NUDT13: variants seen among roughly 807,000 people sequenced by gnomAD.
NUDT13 encodes the protein NAD(P)H pyrophosphatase NUDT13, mitochondrial.
NUDT13 carries 40 observed loss-of-function variants against 41.7 expected under a neutral mutation model. The ratio of observed to expected loss-of-function variants is 0.96; its 90% confidence interval spans 0.75 to 1.25. The LOEUF is 1.25. Among genes scored for constraint, NUDT13 ranks in the 50% most tolerant of loss-of-function variants. The probability of loss-of-function intolerance (pLI) is 0.00; values close to 1 mark genes in which losing one functional copy is unlikely to be tolerated. For missense variants in NUDT13, 390 were observed against 416.1 expected (o/e 0.94, Z 0.55); for synonymous variants, 145 against 155.5 (o/e 0.93, Z 0.50).
Position 73,110,471 on chromosome 10 carries a change from C to T in NUDT13, c.-106C>T, listed in dbSNP as rs1842337065. The T allele has an allele frequency of 6.6e-6, 1 of 152,104 alleles. No individual in the cohort carries two copies. The highest frequency in any genetic ancestry group is 1.5e-5 in the Non-Finnish European group (1 of 68,036). 9.4% of individuals were successfully genotyped at this position (152,104 alleles called of 1,614,324 possible). On this transcript the variant is annotated 5_prime_UTR_variant, in exon 1 of 9. Coordinates refer to ENST00000357321, the MANE Select transcript of NUDT13 (RefSeq NM_015901.6). The stretch of plus-strand genomic sequence containing the variant: ...AAGTGTGGCAGAAGCAGCAATGGTC[C>T]CTCCAGGGAACGGAAGCCGTTGAAC...
At chr10:73,124,461 A>G (rs7095710) in intron 5 of NUDT13, 141 bp downstream of exon 5, 6 of 623,772 alleles carry the variant, frequency 9.6e-6, no homozygotes, top group Middle Eastern at 3.3e-4. Flanking sequence ...TGGCAGGACA[A>G]TGTGCTGTAG....
chr10:73,117,385 C>A (rs1213578045), intron 2 of NUDT13, among the ~76,000 whole-genome samples: 1 of 150,714 alleles, frequency 6.6e-6, no homozygotes, highest in Admixed American at 6.6e-5. Context: ...GGCAAAACCC[C>A]ATCTCTATTA....
rs868447581 is a variant in NUDT13, at chr10:73,130,829, C to CA, written c.985_986insA (p.Pro329HisfsTer2). The CA allele has an allele frequency of 6.2e-7, 1 of 1,613,932 alleles. No homozygotes were observed. The highest frequency in any genetic ancestry group is 1.3e-5 in the African/African-American group (1 of 74,976). The stretch of plus-strand genomic sequence containing the variant: ...TGGGACTTTCCCATTCTGGCTGCCC[C>CA]CTAAGTTAGCCATCTCCCACCAACT... On this transcript the variant is annotated frameshift_variant, in exon 9 of 9. Coordinates refer to ENST00000357321, the MANE Select transcript of NUDT13 (RefSeq NM_015901.6). LOFTEE classifies it high-confidence loss of function.
At position 73,130,877 on chromosome 10, in the gene NUDT13, C is replaced by T. The variant is rs1842903676; in HGVS notation, c.1033C>T (p.Gln345Ter). The change falls in exon 9 of 9, where the codon CAG becomes TAG. Residue 345 changes from glutamine to a stop codon, truncating the protein, a stop_gained. Transcript: ENST00000357321. LOFTEE classifies it high-confidence loss of function. ...HQLIKEWVEKQTCSSLPA is the reference protein window; with the variant it reads ...HQLIKEWVEK Reference sequence around the variant, plus strand: ...ACTGATTAAGGAGTGGGTGGAAAAACAGACCTGTTCTTCCCTGCCTGCTTA... The same window carrying T: ...ACTGATTAAGGAGTGGGTGGAAAAATAGACCTGTTCTTCCCTGCCTGCTTA... 1 of 1,613,704 alleles carries T rather than the reference C, an allele frequency of 6.2e-7. No homozygotes were observed. The highest frequency in any genetic ancestry group is 8.5e-7 in the Non-Finnish European group (1 of 1,179,894).
At chr10:73,115,518 C>A (rs1215358501) in intron 2 of NUDT13, among the ~76,000 whole-genome samples, 1 of 152,148 alleles carries the variant, frequency 6.6e-6, no homozygotes, top group African/African-American at 2.4e-5. Context: ...TCTAAAATAT[C>A]TCACACACTT....
At position 73,129,167 on chromosome 10, in the gene NUDT13, CTTTTTTTTTTT is replaced by C. The variant is rs900393888; in HGVS notation, c.859-1524_859-1514del. On this transcript the variant is annotated intron_variant, in intron 8 of 8. Coordinates refer to ENST00000357321, the MANE Select transcript of NUDT13 (RefSeq NM_015901.6). The stretch of plus-strand genomic sequence containing the variant: ...AGTTGAAAGAAACTTAAGACGTTGT[CTTTTTTTTTTT>C]TTTTTTTTTTTGAGATGGAGTCTCA... Among the ~76,000 whole-genome samples, 7 of 110,194 alleles carry C rather than the reference CTTTTTTTTTTT, an allele frequency of 6.4e-5. No individual in the cohort carries two copies. The East Asian group carries it at 1.7e-3, about 27-fold the overall frequency. 72.3% of individuals were successfully genotyped at this position (110,194 alleles called of 152,430 possible).
At chr10:73,126,211 A>C (rs1182006716) in intron 7 of NUDT13, 5 of 232,712 alleles carry the variant, frequency 2.1e-5, no homozygotes, top group Non-Finnish European at 2.7e-5. Flanking sequence ...ACACCCCTAG[A>C]TTCCATGAAT....
chr10:73,125,080 C>T, intron 5 of NUDT13, 38 bp from the exon 6 acceptor site: 1 of 1,573,310 alleles, frequency 6.4e-7, no homozygotes, highest in Non-Finnish European at 8.6e-7. Context: ...GCCCCGCATT[C>T]TCTCCAAATG....
At chr10:73,124,134 TTTTA>T in intron 4 of NUDT13, 76 bp from the exon 5 acceptor site, 1 of 976,198 alleles carries the variant, frequency 1.0e-6, no homozygotes, top group Non-Finnish European at 1.6e-6. Flanking sequence ...GGAAACACTA[TTTTA>T]ACAGGATAGA....
chr10:73,125,582 G>A (rs1842752626), intron 7 of NUDT13, 73 bp downstream of exon 7: 6 of 1,012,606 alleles, frequency 5.9e-6, no homozygotes, highest in Middle Eastern at 3.1e-4. Context: ...TCTCTGTCTT[G>A]TTGCTATAGA....
Position 73,130,684 on chromosome 10 carries a change from TCTTC to T in NUDT13, c.859-15_859-12del, listed in dbSNP as rs1456715443. The T allele has an allele frequency of 2.5e-6, 4 of 1,609,384 alleles. No homozygotes were observed. In the African/African-American group the frequency reaches 4.0e-5, roughly 16 times the overall value. ...TGTAGCTCCTGACCTTACATCCTTT[TCTTC>T]CTTATGTCTTTCAGATCCAGGTGAA... On this transcript the variant is annotated splice_polypyrimidine_tract_variant and intron_variant, in intron 8 of 8. Coordinates refer to ENST00000357321, the MANE Select transcript of NUDT13 (RefSeq NM_015901.6).
chr10:73,124,342 T>C, intron 5 of NUDT13, 22 bp downstream of exon 5: 1 of 1,540,512 alleles, frequency 6.5e-7, no homozygotes, highest in Non-Finnish European at 9.0e-7. Flanking sequence ...TTTCTCATTC[T>C]GTAGGAAATT....
At chr10:73,116,891 T>TG (rs1336089039) in intron 2 of NUDT13, among the ~76,000 whole-genome samples, 2 of 131,258 alleles carry the variant, frequency 1.5e-5, no homozygotes, top group Admixed American at 7.5e-5. Context: ...TTTTTTTTTT[T>TG]TTTTTTTTTT....
intron 1 of NUDT13, 141 bp downstream of exon 1, chr10:73,110,708 A>G (rs1423007861): frequency 1.3e-5 from 2 of 152,208 alleles, no homozygotes; most frequent in East Asian, 1.9e-4. Flanking sequence ...TGCAGAAACC[A>G]GGGATATAAC....
intron 5 of NUDT13, 183 bp from the exon 6 acceptor site, chr10:73,124,935 G>T: frequency 1.8e-6 from 1 of 541,068 alleles, no homozygotes; most frequent in Admixed American, 3.7e-5. Context: ...GATTTCTGAT[G>T]CTAGAGGAAT....
At chr10:73,129,324 C>G (rs2133234404) in intron 8 of NUDT13, among the ~76,000 whole-genome samples, 1 of 152,016 alleles carries the variant, frequency 6.6e-6, no homozygotes, top group South Asian at 2.1e-4. Flanking sequence ...AGGTGCCTGC[C>G]AGCATGCCCG....
intron 2 of NUDT13, 101 bp from the exon 3 acceptor site, chr10:73,119,917 C>A: frequency 1.6e-6 from 2 of 1,221,026 alleles, no homozygotes; most frequent in Middle Eastern, 2.0e-4. Flanking sequence ...AGGGAAATAA[C>A]CATGGTAAGA....
At chr10:73,123,242 C>G (rs1295473403) in intron 4 of NUDT13, among the ~76,000 whole-genome samples, 1 of 152,150 alleles carries the variant, frequency 6.6e-6, no homozygotes, top group Non-Finnish European at 1.5e-5. Flanking sequence ...TGTTAAAAAA[C>G]TTATAACATC....
chr10:73,118,918 G>A (rs1012959175), intron 2 of NUDT13, among the ~76,000 whole-genome samples: 56 of 152,092 alleles, frequency 3.7e-4, no homozygotes, highest in African/African-American at 1.3e-3. Context: ...GCTGCAGTCA[G>A]CTGAGATCGT....
Sources: allele counts gnomAD v4.1 joint callset (sites outside exome capture counted in the v4.1 genomes callset), GRCh38; gene constraint gnomAD v4.1.1; transcripts MANE v1.5; gene names NCBI Gene and HGNC (gene_info 2026-07-23, HGNC 2026-07-21).